PTCHD4: variants seen among roughly 807,000 people sequenced by gnomAD.
PTCHD4 encodes the protein patched domain containing 4.
PTCHD4 carries 33 observed loss-of-function variants against 58.1 expected under a neutral mutation model. That is an observed-to-expected ratio of 0.57 (90% confidence interval 0.43 to 0.76). The LOEUF (loss-of-function observed/expected upper bound fraction) is 0.76. Among genes scored for constraint, PTCHD4 ranks in the 30% least tolerant of loss-of-function variants. The pLI is 0.00. For missense variants in PTCHD4, 1,058 were observed against 1,027.1 expected, an observed-to-expected ratio of 1.03 and a Z score of -0.41; for synonymous variants, 478 against 409.6, an observed-to-expected ratio of 1.17 and a Z score of -2.02.
In PTCHD4 at chr6:47,859,516, A is replaced by G. The variant is rs1447866256; in HGVS notation, c.*18787T>C. 1.3e-5 allele frequency among the ~76,000 whole-genome samples: 2 copies of G among 151,890 alleles called. No homozygotes were observed. Among genetic ancestry groups the G allele is most frequent in the African/African-American group, 4.8e-5 (2 of 41,400 alleles). ...GAAACACTTGAAGCTTTCAAGGTCT[A>G]CCTGAACTAATTTCTTCCCTCCCTC... On this transcript the variant is annotated 3_prime_UTR_variant, in exon 5 of 5. Transcript: ENST00000339488.
rs561279777 is a variant in PTCHD4, at chr6:47,966,717, A to T, written c.898+41917T>A. On this transcript the variant is annotated intron_variant, in intron 4 of 4. Transcript: ENST00000339488. ...TTCAGAGCATCCTTACCAGGAGTAG[A>T]TTCCATATCAAGAAACCAATTTTTT... 1.3e-5 allele frequency among the ~76,000 whole-genome samples: 2 copies of T among 152,328 alleles called. 1 individual carries two copies. The highest frequency in any genetic ancestry group is 4.1e-4 in the South Asian group (2 of 4,834).
At position 47,878,657 on chromosome 6, in the gene PTCHD4, A is replaced by T; in HGVS notation, c.2178T>A (p.Cys726Ter). 6.2e-7 allele frequency: 1 copy of T among 1,613,690 alleles called. No individual in the cohort carries two copies. The highest frequency in any genetic ancestry group is 8.5e-7 in the Non-Finnish European group (1 of 1,179,788). The stretch of plus-strand genomic sequence containing the variant: ...ATACAAATGTGAAAAGCAGTGGTGC[A>T]CAGTGGTCAATGGCGAAATTCAAGG... ...IYTLNFAIDH[C>*]APLLFTFVLA... is the part of the protein sequence containing the mutation. Residue 726 changes from cysteine to a stop codon, truncating the protein, a stop_gained, in exon 5 of 5, where the codon TGT (cysteine) becomes TGA (stop). Coordinates refer to ENST00000339488, the MANE Select transcript of PTCHD4 (RefSeq NM_001384253.1). LOFTEE classifies it high-confidence loss of function.
chr6:47,958,883 T>G (rs1766973370), intron 4 of PTCHD4, among the ~76,000 whole-genome samples: 1 of 152,178 alleles, frequency 6.6e-6, no homozygotes. Flanking sequence ...TAGTCGGGAA[T>G]GATTAGCTCT....
chr6:47,957,505 G>A (rs1766908756), intron 4 of PTCHD4, among the ~76,000 whole-genome samples: 1 of 150,760 alleles, frequency 6.6e-6, no homozygotes, highest in African/African-American at 2.4e-5. Flanking sequence ...GTTATCCTAT[G>A]TTCCTATCCT....
At chr6:48,021,630 T>A (rs542138950) in intron 3 of PTCHD4, among the ~76,000 whole-genome samples, 1 of 152,106 alleles carries the variant, frequency 6.6e-6, no homozygotes, top group Non-Finnish European at 1.5e-5. Context: ...TTTCTTGGAT[T>A]ATACAGATAG....
intron 1 of PTCHD4, among the ~76,000 whole-genome samples, chr6:48,076,131 A>G (rs1765060653): frequency 6.6e-6 from 1 of 152,238 alleles, no homozygotes; most frequent in African/African-American, 2.4e-5. Context: ...TCACCAGTAG[A>G]TGCCATCTCA....
Position 47,868,776 on chromosome 6 carries a change from T to G in PTCHD4, c.*9527A>C, listed in dbSNP as rs1763641400. Among the ~76,000 whole-genome samples, 1 of 151,674 alleles carries G rather than the reference T, an allele frequency of 6.6e-6. No homozygotes were observed. On this transcript the variant is annotated 3_prime_UTR_variant, in exon 5 of 5. Transcript: ENST00000339488. ...TTATTTTTATGTAAAGGAGAAAACA[T>G]GCTTAATTACTCTAAAGAAAAGTTA...
intron 1 of PTCHD4, among the ~76,000 whole-genome samples, chr6:48,094,281 T>A (rs1582132650): frequency 6.6e-6 from 1 of 152,232 alleles, no homozygotes; most frequent in East Asian, 1.9e-4. Flanking sequence ...GAGGACTAAT[T>A]TGTGAAGAAA....
intron 4 of PTCHD4, among the ~76,000 whole-genome samples, chr6:47,999,554 C>T (rs1201754160): frequency 6.6e-6 from 1 of 152,086 alleles, no homozygotes. Flanking sequence ...AGAACTTTAG[C>T]CAAGCATTAA....
At chr6:47,976,381 G>A (rs943880271) in intron 4 of PTCHD4, among the ~76,000 whole-genome samples, 4 of 152,068 alleles carry the variant, frequency 2.6e-5, no homozygotes, top group African/African-American at 4.8e-5. Context: ...CTGGCCAGGC[G>A]CTGTGGCTCA....
In PTCHD4 at chr6:47,879,016, G is replaced by T; in HGVS notation, c.1819C>A (p.Leu607Met). The change falls in exon 5 of 5, where the codon CTG becomes ATG. Residue 607 changes from leucine (L) to methionine (M), a missense_variant. By Grantham distance (15) the Leu-to-Met change is conservative (BLOSUM62 2). Coordinates refer to ENST00000339488, the MANE Select transcript of PTCHD4 (RefSeq NM_001384253.1). ...ESNIIASRLY[L>M]VARTSRDKQK... is the part of the protein sequence containing the mutation. The stretch of plus-strand genomic sequence containing the variant: ...TTGTCTCTGCTAGTCCTGGCCACCA[G>T]ATACAAGCGAGAAGCAATGATATTG... The T allele has an allele frequency of 6.2e-7, 1 of 1,613,412 alleles. No homozygotes were observed. Among genetic ancestry groups the T allele is most frequent in the East Asian group, 2.2e-5 (1 of 44,852 alleles).
At position 48,037,041 on chromosome 6, in the gene PTCHD4, A is replaced by C. The variant is rs559730657; in HGVS notation, c.418-27927T>G. Among the ~76,000 whole-genome samples, 3 of 152,282 alleles carry C rather than the reference A, an allele frequency of 2.0e-5. No individual in the cohort carries two copies. The South Asian group carries it at 6.2e-4, about 32-fold the overall frequency. On this transcript the variant is annotated intron_variant, in intron 3 of 4. Coordinates refer to ENST00000339488, the MANE Select transcript of PTCHD4 (RefSeq NM_001384253.1). ...TTTACTGCAAGTAAAGGATGGTTAC[A>C]CAGACTTAGGAATACAGAAGATCAG...
rs1285804611 is a variant in PTCHD4, at chr6:48,069,190, T to TGGG, written c.-236_-234dup. On this transcript the variant is annotated 5_prime_UTR_variant, in exon 2 of 5. Coordinates refer to ENST00000339488, the MANE Select transcript of PTCHD4 (RefSeq NM_001384253.1). ...AGGAGGGAGAAGGGCGGGAGCACGT[T>TGGG]GGGGGTGGGGGGGCAGATAAGCTTT... 0.013 allele frequency among the ~76,000 whole-genome samples: 212 copies of TGGG among 16,004 alleles called. No individual in the cohort carries two copies. The highest frequency in any genetic ancestry group is 0.042 in the Middle Eastern group (1 of 24). The allele number at this position is 16,004 out of a possible 152,430, so 10.5% of individuals were successfully genotyped here. A position where few individuals can be genotyped will look rare whatever the true frequency, so the allele number is the denominator to read the frequency against.
At position 47,879,580 on chromosome 6, in the gene PTCHD4, A is replaced by G. The variant is rs1323230287; in HGVS notation, c.1255T>C (p.Phe419Leu). 13 of 1,613,584 alleles carry G rather than the reference A, an allele frequency of 8.1e-6. No homozygotes were observed. The highest frequency in any genetic ancestry group is 6.8e-6 in the Non-Finnish European group (8 of 1,179,772). ...TGCCCATCACTCATCACTGTCTGGA[A>G]CCACACAGGTTTGCGATCCAGGTAT... ...AEYLDRKPVW[F>L]QTVMSDGHQQ... is the part of the protein sequence containing the mutation. Residue 419 changes from phenylalanine (F) to leucine (L), a missense_variant, in exon 5 of 5, where the codon TTC (phenylalanine) becomes CTC (leucine). Phe to Leu is a conservative substitution (Grantham distance 22). Transcript: ENST00000339488.
chr6:48,109,915 A>G (rs1765828630), intron 1 of PTCHD4, among the ~76,000 whole-genome samples: 2 of 152,168 alleles, frequency 1.3e-5, no homozygotes, highest in African/African-American at 4.8e-5. Context: ...CTATTATTTT[A>G]AAAATAAAAC....
rs185657554 is a variant in PTCHD4, at chr6:47,934,054, C to A, written c.899-54118G>T. Among the ~76,000 whole-genome samples, 272 of 152,234 alleles carry A rather than the reference C, an allele frequency of 1.8e-3. 2 individuals carry two copies. Among genetic ancestry groups the A allele is most frequent in the African/African-American group, 6.1e-3 (253 of 41,546 alleles). Reference sequence around the variant, plus strand: ...CTATATATATAATGTACATGTATATCCATATCACCAAATTCCTCATGAAAC... The same window carrying A: ...CTATATATATAATGTACATGTATATACATATCACCAAATTCCTCATGAAAC... On this transcript the variant is annotated intron_variant, in intron 4 of 4. Coordinates refer to ENST00000339488, the MANE Select transcript of PTCHD4 (RefSeq NM_001384253.1).
chr6:48,081,800 G>A (rs1360515778), intron 1 of PTCHD4, among the ~76,000 whole-genome samples: 1 of 152,192 alleles, frequency 6.6e-6, no homozygotes, highest in Non-Finnish European at 1.5e-5. Context: ...AGTCAGCAGA[G>A]AAACTTAGCT....
intron 1 of PTCHD4, among the ~76,000 whole-genome samples, chr6:48,098,318 T>TTTCTTCTTTTTCTTCTTCTTCTTC (rs1765518179): frequency 6.3e-5 from 9 of 142,656 alleles, no homozygotes; most frequent in African/African-American, 2.1e-4. Flanking sequence ...TTTCTTTTCT[T>TTTCTTCTTTTTCTTCTTCTTCTTC]TTCTTCTTCT....
intron 4 of PTCHD4, among the ~76,000 whole-genome samples, chr6:47,975,400 T>A (rs568992326): frequency 2.5e-4 from 38 of 152,284 alleles, no homozygotes; most frequent in African/African-American, 7.0e-4. Flanking sequence ...TTACATTTTT[T>A]AAAAAAATTA....
Sources: gnomAD v4.1 joint callset for allele counts (sites outside exome capture counted in the v4.1 genomes callset) on GRCh38, gnomAD v4.1.1 for gene constraint, MANE v1.5 for transcripts, NCBI Gene and HGNC (gene_info 2026-07-23, HGNC 2026-07-21) for gene names.